FRY: variants seen among roughly 807,000 people sequenced by gnomAD.
FRY encodes the protein protein furry homolog.
In FRY, 128 loss-of-function variants were observed where a neutral mutation model predicts 348.4. The observed-to-expected ratio is 0.37, with a 90% CI of 0.32 to 0.43. The LOEUF (loss-of-function observed/expected upper bound fraction) is 0.43, where lower values mean the gene tolerates loss of function less well. FRY is among the 20% of genes least tolerant of loss of function. FRY has a pLI of 1.00. For missense variants in FRY, 2,736 were observed against 3,695.2 expected, an observed-to-expected ratio of 0.74 and a Z score of 6.73; for synonymous variants, 1,370 against 1,374.7, an observed-to-expected ratio of 1.00 and a Z score of 0.08.
At position 32,173,404 on chromosome 13, in the gene FRY, A is replaced by T. The variant is rs1489472307; in HGVS notation, c.2189A>T (p.Glu730Val). The T allele has an allele frequency of 6.2e-7, 1 of 1,612,412 alleles. No homozygotes were observed. The highest frequency in any genetic ancestry group is 1.1e-5 in the South Asian group (1 of 91,006). The change falls in exon 19 of 61, where the codon GAA becomes GTA. Residue 730 changes from glutamate to valine, a missense_variant. By Grantham distance (121) the Glu-to-Val change is moderately radical (BLOSUM62 -2). Around this residue, in one of 9 missense-constraint regions of FRY, gnomAD observed 449 missense variants for 576.9 expected, o/e 0.78. Transcript: ENST00000542859. The part of the protein sequence containing the change: ...ANGSSHRIQS[E>V]RGPHCSVLHA... ...GGCTCCAGTCACAGAATTCAGTCGGAACGAGGTCCCCACTGCAGTGTACTC... is the reference window on the plus strand; with the variant it reads ...GGCTCCAGTCACAGAATTCAGTCGGTACGAGGTCCCCACTGCAGTGTACTC...
intron 2 of FRY, among the ~76,000 whole-genome samples, chr13:32,086,449 C>T (rs1300854646): frequency 3.3e-5 from 5 of 152,174 alleles, no homozygotes; most frequent in Non-Finnish European, 7.4e-5. Flanking sequence ...TCTCAAACCC[C>T]TGGGTTTAAA....
chr13:32,095,187 C>T (rs553086074), intron 2 of FRY, among the ~76,000 whole-genome samples: 35 of 63,008 alleles, frequency 5.6e-4, no homozygotes, highest in African/African-American at 1.6e-3. Context: ...ATTTTTTGAT[C>T]GGATGATTAG....
At chr13:32,045,071 C>T (rs1872952581) in intron 1 of FRY, among the ~76,000 whole-genome samples, 1 of 152,136 alleles carries the variant, frequency 6.6e-6, no homozygotes, top group African/African-American at 2.4e-5. Context: ...ATTTTTTCCC[C>T]ATATTGCTGA....
chr13:32,092,047 C>T (rs1048963185), intron 2 of FRY, among the ~76,000 whole-genome samples: 5 of 152,232 alleles, frequency 3.3e-5, no homozygotes, highest in Admixed American at 6.5e-5. Context: ...GGGTTAAACA[C>T]ATTCATTGAA....
chr13:32,232,004 C>CCA lies in FRY; in HGVS notation c.5527+707_5527+708dup. The stretch of plus-strand genomic sequence containing the variant: ...CCCAGTTTGAAACATTTTGGATTAG[C>CCA]CACATATCTTTTCATTATCAGAGGA... On this transcript the variant is annotated intron_variant, in intron 41 of 60. Transcript: ENST00000542859. Among the ~76,000 whole-genome samples, 3 of 152,288 alleles carry CCA rather than the reference C, an allele frequency of 2.0e-5. No individual in the cohort carries two copies. The South Asian group carries it at 6.2e-4, about 32-fold the overall frequency.
chr13:32,082,906 CTG>C (rs1379286388), intron 2 of FRY, among the ~76,000 whole-genome samples: 1 of 152,074 alleles, frequency 6.6e-6, no homozygotes, highest in Non-Finnish European at 1.5e-5. Context: ...TTTCACTACA[CTG>C]TGTTTGGATG....
At position 32,292,790 on chromosome 13, in the gene FRY, C is replaced by CAATAAATAAATA. The variant is rs111702874; in HGVS notation, c.8581-1551_8581-1540dup. Among the ~76,000 whole-genome samples, 143 of 141,118 alleles carry CAATAAATAAATA rather than the reference C, an allele frequency of 1.0e-3. 1 individual carries two copies. Among genetic ancestry groups the CAATAAATAAATA allele is most frequent in the Middle Eastern group, 3.5e-3 (1 of 286 alleles). 92.6% of individuals were successfully genotyped at this position (141,118 alleles called of 152,430 possible). Reference sequence around the variant, plus strand: ...CTGGTGACAGAGCAAGACTCCATCTCAATAAATAAATAAATAAATAAATAA... The same window carrying CAATAAATAAATA: ...CTGGTGACAGAGCAAGACTCCATCTCAATAAATAAATAAATAAATAAATAAATAAATAAATAA... On this transcript the variant is annotated intron_variant, in intron 59 of 60. Coordinates refer to ENST00000542859, the MANE Select transcript of FRY (RefSeq NM_023037.3).
intron 35 of FRY, among the ~76,000 whole-genome samples, chr13:32,213,952 A>G (rs929202023): frequency 3.9e-5 from 6 of 152,252 alleles, no homozygotes; most frequent in Admixed American, 6.5e-5. Context: ...TGGTCATTGG[A>G]AAGCCTGATG....
intron 1 of FRY, among the ~76,000 whole-genome samples, chr13:32,048,958 A>C (rs1397565106): frequency 6.6e-6 from 1 of 152,166 alleles, no homozygotes; most frequent in African/African-American, 2.4e-5. Flanking sequence ...ACTGTGGTAC[A>C]TAGAGTACAC....
rs754508004 is a variant in FRY at position 32,239,865 on chromosome 13, T to C, written c.6671T>C (p.Val2224Ala). The C allele has an allele frequency of 1.4e-5, 22 of 1,613,970 alleles. 1 individual carries two copies. The South Asian group carries it at 1.6e-4, about 12-fold the overall frequency. Residue 2224 changes from valine to alanine, a missense_variant, in exon 46 of 61, where the codon GTT becomes GCT. Coordinates refer to ENST00000542859, the MANE Select transcript of FRY (RefSeq NM_023037.3). This position sits in a 1 kb window ranked among gnomAD's most constrained non-coding sequence, Gnocchi z 4.3. ...TATGCTGACATTACCTTGAATATGG[T>C]TACCTACCTGGCAGAGGTAAGCTTT... ...EAYADITLNM[V>A]TYLAELLEKG... is the part of the protein sequence containing the mutation.
chr13:32,162,232 G>A (rs1257222158), intron 17 of FRY, among the ~76,000 whole-genome samples: 1 of 152,160 alleles, frequency 6.6e-6, no homozygotes, highest in South Asian at 2.1e-4. Context: ...ATCTGATTAT[G>A]GTATAATTTT....
At chr13:32,110,943 G>A (rs943042236) in intron 3 of FRY, among the ~76,000 whole-genome samples, 37 of 152,140 alleles carry the variant, frequency 2.4e-4, no homozygotes, top group African/African-American at 8.9e-4. Context: ...CTATGCTTTG[G>A]CATTTCATGA....
In FRY at chr13:32,282,851, T is replaced by A. The variant is rs373571401; in HGVS notation, c.8469+4303T>A. Among the ~76,000 whole-genome samples, 29 of 152,292 alleles carry A rather than the reference T, an allele frequency of 1.9e-4. 2 individuals are homozygous for A. The highest frequency in any genetic ancestry group is 1.2e-3 in the Admixed American group (19 of 15,294). On this transcript the variant is annotated intron_variant, in intron 58 of 60. Transcript: ENST00000542859. ...CCCTGCATTTAAAAATTTAAAACTT[T>A]CACACATACGGCCGAGCGTGGTGGC...
chr13:32,144,350 A>T (rs1005047962), intron 11 of FRY, among the ~76,000 whole-genome samples: 5 of 150,566 alleles, frequency 3.3e-5, no homozygotes, highest in African/African-American at 1.2e-4. Flanking sequence ...ACCGCTAAAA[A>T]TTAAAAAAAG....
intron 3 of FRY, among the ~76,000 whole-genome samples, chr13:32,114,441 G>T (rs1218841153): frequency 1.3e-5 from 2 of 152,078 alleles, no homozygotes; most frequent in Non-Finnish European, 2.9e-5. Context: ...TGGGGAGGGG[G>T]TGCAGTTTCC....
intron 1 of FRY, among the ~76,000 whole-genome samples, chr13:32,058,936 A>G (rs575223113): frequency 6.6e-6 from 1 of 152,224 alleles, no homozygotes; most frequent in Non-Finnish European, 1.5e-5. Context: ...ATAAACCTGT[A>G]TTTGAATGAC....
intron 40 of FRY, among the ~76,000 whole-genome samples, chr13:32,229,472 G>A (rs1885790929): frequency 6.6e-6 from 1 of 152,218 alleles, no homozygotes; most frequent in Admixed American, 6.5e-5. Context: ...TCATGATTCA[G>A]GTTATTTTGT....
In FRY at chr13:32,049,952, T is replaced by C. The variant is rs143358830; in HGVS notation, c.70+18087T>C. Among the ~76,000 whole-genome samples the C allele has an allele frequency of 2.9e-3, 440 of 152,358 alleles. 1 individual carries two copies. Among genetic ancestry groups the C allele is most frequent in the Admixed American group, 5.5e-3 (84 of 15,310 alleles). Reference sequence around the variant, plus strand: ...TAAAATTATACTCAGCTAGACAATATGCTCTTTAAATAGAATATTTGCGTT... The same window carrying C: ...TAAAATTATACTCAGCTAGACAATACGCTCTTTAAATAGAATATTTGCGTT... On this transcript the variant is annotated intron_variant, in intron 1 of 60. Coordinates refer to ENST00000542859, the MANE Select transcript of FRY (RefSeq NM_023037.3).
intron 3 of FRY, among the ~76,000 whole-genome samples, chr13:32,104,103 TCCTCTGAG>T (rs1487871730): frequency 6.6e-6 from 1 of 152,204 alleles, no homozygotes; most frequent in Non-Finnish European, 1.5e-5. Flanking sequence ...CCTCTCTTTA[TCCTCTGAG>T]AAAATCGTTC....
Sources: allele counts gnomAD v4.1 joint callset (sites outside exome capture counted in the v4.1 genomes callset), GRCh38; gene constraint gnomAD v4.1.1; regional missense constraint gnomAD v4.1.1; non-coding constraint Gnocchi (gnomAD v3.1); transcripts MANE v1.5; gene names NCBI Gene and HGNC (gene_info 2026-07-23, HGNC 2026-07-21).